FGF2: variants seen among roughly 807,000 people sequenced by gnomAD.
FGF2 encodes fibroblast growth factor 2, also known as basic fibroblast growth factor bFGF.
FGF2 carries 13 observed loss-of-function variants against 15.9 expected under a neutral mutation model. The ratio of observed to expected loss-of-function variants is 0.82; its 90% CI spans 0.53 to 1.30. The LOEUF (loss-of-function observed/expected upper bound fraction) is 1.30. FGF2 is among the 50% of genes most tolerant of loss of function. The pLI is 0.00. For synonymous variants in FGF2, 90 were observed against 78.4 expected, an observed-to-expected ratio of 1.15 and a Z score of -0.78; for missense variants, 163 against 196.9, an observed-to-expected ratio of 0.83 and a Z score of 1.03.
At chr4:122,887,307 C>A (rs1421913620) in intron 2 of FGF2, among the ~76,000 whole-genome samples, 2 of 152,160 alleles carry the variant, frequency 1.3e-5, no homozygotes, top group East Asian at 3.8e-4. Context: ...GAGGGAGACT[C>A]TGTCTCAAAA....
intron 1 of FGF2, among the ~76,000 whole-genome samples, chr4:122,834,679 C>A (rs1300162280): frequency 6.6e-6 from 1 of 152,218 alleles, no homozygotes; most frequent in Non-Finnish European, 1.5e-5. Flanking sequence ...TATGACCTAG[C>A]CCACTCCCCT....
At chr4:122,871,819 C>G (rs540568980) in intron 1 of FGF2, among the ~76,000 whole-genome samples, 4 of 144,026 alleles carry the variant, frequency 2.8e-5, no homozygotes, top group Admixed American at 6.9e-5. Context: ...GCAACAACAA[C>G]AGCATCAACA....
chr4:122,871,022 C>G (rs955401524), intron 1 of FGF2, among the ~76,000 whole-genome samples: 1 of 152,108 alleles, frequency 6.6e-6, no homozygotes, highest in Non-Finnish European at 1.5e-5. Context: ...GGTACATTGT[C>G]TCTTTGTTCT....
At position 122,827,815 on chromosome 4, in the gene FGF2, G is replaced by C. The variant is rs1725680117; in HGVS notation, c.178+463G>C. Reference sequence around the variant, plus strand: ...GAGTCCTGCCCTTAAATTCCGACTCGGGACGACCCGAGGCATATGGCACAC... The same window carrying C: ...GAGTCCTGCCCTTAAATTCCGACTCCGGACGACCCGAGGCATATGGCACAC... On this transcript the variant is annotated intron_variant, in intron 1 of 2. Coordinates refer to ENST00000644866, the MANE Select transcript of FGF2 (RefSeq NM_001361665.2). This position sits in a 1 kb window ranked among gnomAD's most constrained non-coding sequence, Gnocchi z 4.2. 6.6e-6 allele frequency among the ~76,000 whole-genome samples: 1 copy of C among 152,162 alleles called. No individual in the cohort carries two copies. Among genetic ancestry groups the C allele is most frequent in the African/African-American group, 2.4e-5 (1 of 41,444 alleles).
chr4:122,893,273 A>G lies in FGF2; in HGVS notation c.*877A>G, dbSNP rs747690672. On this transcript the variant is annotated 3_prime_UTR_variant, in exon 3 of 3. Coordinates refer to ENST00000644866, the MANE Select transcript of FGF2 (RefSeq NM_001361665.2). The stretch of plus-strand genomic sequence containing the variant: ...AAATCAATAATAATTACACTTTTAG[A>G]AACTGTATCATCAAAGATTTTCAGT... 1 of 1,504,382 alleles carries G rather than the reference A, an allele frequency of 6.6e-7. No homozygotes were observed. The highest frequency in any genetic ancestry group is 8.9e-7 in the Non-Finnish European group (1 of 1,122,080). 93.2% of individuals were successfully genotyped at this position (1,504,382 alleles called of 1,614,324 possible). A position where few individuals can be genotyped will look rare whatever the true frequency, so the allele number is the denominator to read the frequency against.
intron 2 of FGF2, among the ~76,000 whole-genome samples, chr4:122,890,402 G>A (rs562764885): frequency 2.6e-5 from 4 of 152,146 alleles, no homozygotes; most frequent in Non-Finnish European, 5.9e-5. Flanking sequence ...TATGAGTAAC[G>A]TATTACATAA....
chr4:122,888,839 T>C (rs1030505748), intron 2 of FGF2: 1 of 152,184 alleles, frequency 6.6e-6, no homozygotes, highest in African/African-American at 2.4e-5. Context: ...TATTCTAACA[T>C]AGAATATAAT....
intron 1 of FGF2, among the ~76,000 whole-genome samples, chr4:122,842,852 A>G (rs1726018120): frequency 6.6e-6 from 1 of 152,220 alleles, no homozygotes; most frequent in Non-Finnish European, 1.5e-5. Context: ...TGCCTTATTA[A>G]AAAGCCATTT....
At chr4:122,867,188 G>A (rs890361136) in intron 1 of FGF2, among the ~76,000 whole-genome samples, 2 of 152,186 alleles carry the variant, frequency 1.3e-5, no homozygotes, top group African/African-American at 2.4e-5. Context: ...GTAGGGTGAC[G>A]AAAATGTTCT....
At chr4:122,828,374 A>G (rs1725692981) in intron 1 of FGF2, among the ~76,000 whole-genome samples, 1 of 152,236 alleles carries the variant, frequency 6.6e-6, no homozygotes, top group South Asian at 2.1e-4. Context: ...GAGAAAGAGG[A>G]CTAGAATATA....
chr4:122,847,884 T>C (rs1256981760), intron 1 of FGF2, among the ~76,000 whole-genome samples: 1 of 152,236 alleles, frequency 6.6e-6, no homozygotes, highest in Non-Finnish European at 1.5e-5. Flanking sequence ...CCCCACAATA[T>C]GGAGGGCAAT....
At chr4:122,857,373 T>A (rs1295085186) in intron 1 of FGF2, among the ~76,000 whole-genome samples, 1 of 152,240 alleles carries the variant, frequency 6.6e-6, no homozygotes, top group East Asian at 1.9e-4. Context: ...TCTCTGAAGC[T>A]TATCTTTGCT....
chr4:122,873,984 G>A (rs570226639), intron 1 of FGF2, among the ~76,000 whole-genome samples: 1 of 152,316 alleles, frequency 6.6e-6, no homozygotes, highest in South Asian at 2.1e-4. Flanking sequence ...CACTGGTACT[G>A]ATCTGGCCAT....
Position 122,827,414 on chromosome 4 carries a change from C to T in FGF2, c.178+62C>T. ...TTCGTGGGTTCTCGCCCGCTCTCTC[C>T]CCTCCAGCCTGCACCCTCCTCCCGG... On this transcript the variant is annotated intron_variant, in intron 1 of 2. Coordinates refer to ENST00000644866, the MANE Select transcript of FGF2 (RefSeq NM_001361665.2). The surrounding 1 kb of genome is among the most constrained non-coding windows in gnomAD (Gnocchi z 4.2). 2.6e-6 allele frequency: 4 copies of T among 1,568,618 alleles called. 1 individual carries two copies. The South Asian group carries it at 4.5e-5, about 18-fold the overall frequency.
intron 2 of FGF2, among the ~76,000 whole-genome samples, chr4:122,876,867 C>T (rs1225602100): frequency 2.0e-5 from 3 of 152,190 alleles, no homozygotes; most frequent in Admixed American, 6.5e-5. Context: ...AAGCTTTCTG[C>T]CTGGTACAGA....
intron 1 of FGF2, among the ~76,000 whole-genome samples, chr4:122,850,802 C>T (rs1726215103): frequency 6.6e-6 from 1 of 152,038 alleles, no homozygotes; most frequent in Admixed American, 6.6e-5. Flanking sequence ...TTTTGTGGCA[C>T]AGGGGAAGGA....
intron 1 of FGF2, among the ~76,000 whole-genome samples, chr4:122,832,424 T>C (rs781164967): frequency 7.1e-6 from 1 of 141,570 alleles, no homozygotes; most frequent in African/African-American, 3.1e-5. Context: ...TTTGCATTTT[T>C]AGTAGAGACG....
At position 122,889,431 on chromosome 4, in the gene FGF2, T is replaced by G. The variant is rs186511150; in HGVS notation, c.283-2780T>G. On this transcript the variant is annotated intron_variant, in intron 2 of 2. Coordinates refer to ENST00000644866, the MANE Select transcript of FGF2 (RefSeq NM_001361665.2). Reference sequence around the variant, plus strand: ...GTTCTTTAAATATGTTTATAAAGATTAATAAAATTATAATGCACCAGTTTT... The same window carrying G: ...GTTCTTTAAATATGTTTATAAAGATGAATAAAATTATAATGCACCAGTTTT... 1.1e-3 allele frequency among the ~76,000 whole-genome samples: 174 copies of G among 152,300 alleles called. 1 individual carries two copies. The highest frequency in any genetic ancestry group is 1.8e-4 in the Non-Finnish European group (12 of 68,024).
At chr4:122,833,973 A>AT (rs1293469415) in intron 1 of FGF2, among the ~76,000 whole-genome samples, 1 of 152,192 alleles carries the variant, frequency 6.6e-6, no homozygotes, top group Non-Finnish European at 1.5e-5. Flanking sequence ...AGTATTTAAG[A>AT]TTTTTATCAT....
Sources: allele counts gnomAD v4.1 joint callset (sites outside exome capture counted in the v4.1 genomes callset), GRCh38; gene constraint gnomAD v4.1.1; non-coding constraint Gnocchi (gnomAD v3.1); transcripts MANE v1.5; gene names NCBI Gene and HGNC (gene_info 2026-07-23, HGNC 2026-07-21).